The following CAMTA1 variants were observed in gnomAD, a reference collection of about 807,000 sequenced individuals.
CAMTA1 encodes calmodulin binding transcription activator 1, also known as calmodulin-binding transcription activator 1.
Under a neutral mutation model 170.9 loss-of-function variants are expected in CAMTA1, and 27 were observed. The ratio of observed to expected loss-of-function variants is 0.16; its 90% CI spans 0.12 to 0.22. CAMTA1 has a LOEUF of 0.22. Ranked by LOEUF, CAMTA1 falls within the 10% of genes least tolerant of loss-of-function variation. CAMTA1 has a pLI of 1.00. For synonymous variants in CAMTA1, 833 were observed against 891.5 expected, an observed-to-expected ratio of 0.93 and a Z score of 1.17; for missense variants, 1,619 against 2,217.2, an observed-to-expected ratio of 0.73 and a Z score of 5.42.
At chr1:7,554,747 A>C (rs1285538229) in intron 6 of CAMTA1, among the ~76,000 whole-genome samples, 2 of 151,788 alleles carry the variant, frequency 1.3e-5, no homozygotes, top group East Asian at 1.9e-4. Flanking sequence ...CCAGGACTTG[A>C]GTTTCAATGA....
At chr1:7,215,479 C>T (rs1487863140) in intron 4 of CAMTA1, among the ~76,000 whole-genome samples, 1 of 152,214 alleles carries the variant, frequency 6.6e-6, no homozygotes, top group Non-Finnish European at 1.5e-5. Context: ...CTGCAACCTC[C>T]GCCTTCCAGG....
intron 3 of CAMTA1, among the ~76,000 whole-genome samples, chr1:6,841,499 G>A (rs887174756): frequency 3.9e-5 from 6 of 152,024 alleles, no homozygotes; most frequent in Admixed American, 1.3e-4. Flanking sequence ...GTGTTGGTGC[G>A]GTGGCCCAAT....
At chr1:7,615,571 A>G (rs1038705804) in intron 6 of CAMTA1, among the ~76,000 whole-genome samples, 11 of 152,268 alleles carry the variant, frequency 7.2e-5, no homozygotes, top group African/African-American at 2.4e-4. Context: ...TGCAAAGCCA[A>G]TGCTCAGCAG....
chr1:7,110,276 TC>T (rs371105003), intron 4 of CAMTA1, among the ~76,000 whole-genome samples: 7 of 151,398 alleles, frequency 4.6e-5, no homozygotes, highest in Non-Finnish European at 8.8e-5. Flanking sequence ...GCACCCCCCT[TC>T]CCCCCTTTTT....
intron 6 of CAMTA1, among the ~76,000 whole-genome samples, chr1:7,564,304 C>T (rs17031136): frequency 0.017 from 2,636 of 152,340 alleles, 83 homozygotes; most frequent in African/African-American, 0.06. Flanking sequence ...CTAATCTTCC[C>T]CTTCCCGGAG....
At chr1:6,807,761 G>A (rs1644693411) in intron 1 of CAMTA1, among the ~76,000 whole-genome samples, 1 of 151,844 alleles carries the variant, frequency 6.6e-6, no homozygotes, top group South Asian at 2.1e-4. Flanking sequence ...ACCTTCCATG[G>A]TTAGCTATTT....
At chr1:7,177,477 CACACACACTGAAGCCCCT>C (rs1651129852) in intron 4 of CAMTA1, among the ~76,000 whole-genome samples, 1 of 147,306 alleles carries the variant, frequency 6.8e-6, no homozygotes, top group African/African-American at 2.5e-5. Flanking sequence ...GAGGCCCCCC[CACACACACTGAAGCCCCT>C]CCCACACACT....
At chr1:7,668,698 G>T (rs1280502852) in intron 9 of CAMTA1, among the ~76,000 whole-genome samples, 1 of 152,232 alleles carries the variant, frequency 6.6e-6, no homozygotes, top group Non-Finnish European at 1.5e-5. Flanking sequence ...CCCTTGAATG[G>T]ATGGATGCTG....
intron 4 of CAMTA1, among the ~76,000 whole-genome samples, chr1:7,139,017 A>G (rs1645713626): frequency 6.9e-6 from 1 of 145,380 alleles, no homozygotes; most frequent in Non-Finnish European, 1.5e-5. Flanking sequence ...ATATATATAT[A>G]TAATTTTATA....
intron 6 of CAMTA1, among the ~76,000 whole-genome samples, chr1:7,491,096 G>A (rs2093696463): frequency 6.6e-6 from 1 of 152,124 alleles, no homozygotes; most frequent in African/African-American, 2.4e-5. Flanking sequence ...CAAAAAGGAG[G>A]CTCTAGCATG....
chr1:7,576,140 C>G (rs2095189297), intron 6 of CAMTA1, among the ~76,000 whole-genome samples: 1 of 152,162 alleles, frequency 6.6e-6, no homozygotes, highest in Non-Finnish European at 1.5e-5. Flanking sequence ...TCCCAAGTAG[C>G]TGGGATTACA....
At chr1:6,916,590 A>G (rs1680860688) in intron 3 of CAMTA1, among the ~76,000 whole-genome samples, 1 of 152,112 alleles carries the variant, frequency 6.6e-6, no homozygotes, top group Non-Finnish European at 1.5e-5. Context: ...GTGCTTTTAT[A>G]TCAGGATTTT....
At chr1:7,276,299 A>AATTTTTTTTTTTTTTTTT (rs1670635263) in intron 5 of CAMTA1, among the ~76,000 whole-genome samples, 1 of 21,398 alleles carries the variant, frequency 4.7e-5, no homozygotes, top group African/African-American at 4.9e-4. Flanking sequence ...ATATATATAT[A>AATTTTTTTTTTTTTTTTT]TATATTTTTT....
chr1:7,679,107 C>T (rs375274534), intron 11 of CAMTA1, among the ~76,000 whole-genome samples: 2 of 152,320 alleles, frequency 1.3e-5, no homozygotes, highest in East Asian at 1.9e-4. Context: ...TGGCTGAGGC[C>T]GGAGCCAGGC....
At chr1:6,855,444 T>C (rs1461320206) in intron 3 of CAMTA1, among the ~76,000 whole-genome samples, 1 of 151,618 alleles carries the variant, frequency 6.6e-6, no homozygotes, top group Admixed American at 6.6e-5. Flanking sequence ...AGGCTTGTCT[T>C]ACATCGCCAG....
rs533934103 is a variant in CAMTA1, at chr1:7,059,169, C to A, written c.235-32135C>A. Reference sequence around the variant, plus strand: ...CTGCTCCTCTCATTCCCAGATGTTTCTATCTCTCTAGACAGGTTTGGGAGA... The same window carrying A: ...CTGCTCCTCTCATTCCCAGATGTTTATATCTCTCTAGACAGGTTTGGGAGA... On this transcript the variant is annotated intron_variant, in intron 3 of 22. Coordinates refer to ENST00000303635, the MANE Select transcript of CAMTA1 (RefSeq NM_015215.4). Among the ~76,000 whole-genome samples the A allele has an allele frequency of 2.6e-5, 4 of 152,330 alleles. No individual in the cohort carries two copies. In the South Asian group the frequency reaches 8.3e-4, roughly 32 times the overall value.
chr1:6,832,961 G>A (rs1362358815), intron 3 of CAMTA1, among the ~76,000 whole-genome samples: 1 of 152,128 alleles, frequency 6.6e-6, no homozygotes, highest in African/African-American at 2.4e-5. Flanking sequence ...ACATGATACT[G>A]AAATACAGGT....
chr1:7,083,832 G>A (rs1383977362), intron 3 of CAMTA1, among the ~76,000 whole-genome samples: 1 of 152,134 alleles, frequency 6.6e-6, no homozygotes, highest in African/African-American at 2.4e-5. Flanking sequence ...AATACCCAGA[G>A]GACATTAAGT....
chr1:7,449,146 C>G lies in CAMTA1; in HGVS notation c.439-18684C>G, dbSNP rs187850729. 2.9e-3 allele frequency among the ~76,000 whole-genome samples: 447 copies of G among 152,330 alleles called. 6 individuals carry two copies. The highest frequency in any genetic ancestry group is 3.4e-3 in the Middle Eastern group (1 of 294). On this transcript the variant is annotated intron_variant, in intron 5 of 22. Coordinates refer to ENST00000303635, the MANE Select transcript of CAMTA1 (RefSeq NM_015215.4). ...AGGAAAACAGCAAAGAAAGAAGAAG[C>G]TGACCCTGGGAGCATGGGCTGTGTC...
Sources: allele counts gnomAD v4.1 joint callset (sites outside exome capture counted in the v4.1 genomes callset), GRCh38; gene constraint gnomAD v4.1.1; transcripts MANE v1.5; gene names NCBI Gene and HGNC (gene_info 2026-07-23, HGNC 2026-07-21).